ZNF256: variants seen among roughly 807,000 people sequenced by gnomAD.
ZNF256 encodes the protein zinc finger protein 256.
A neutral mutation model predicts 7.9 loss-of-function variants in ZNF256; 4 were observed. The observed-to-expected ratio is 0.50, with a 90% CI of 0.25 to 1.15. ZNF256 has a LOEUF of 1.15. Ranked by LOEUF, ZNF256 falls within the 50% of genes most tolerant of loss-of-function variation. ZNF256 has a pLI of 0.15. For missense variants in ZNF256, 666 were observed against 755.9 expected, an observed-to-expected ratio of 0.88 and a Z score of 1.39; for synonymous variants, 260 against 260.4, an observed-to-expected ratio of 1.00 and a Z score of 0.02.
At chr19:57,946,537 C>T (rs915748801) in intron 1 of ZNF256, among the ~76,000 whole-genome samples, 4 of 152,126 alleles carry the variant, frequency 2.6e-5, no homozygotes, top group Non-Finnish European at 5.9e-5. Flanking sequence ...ACCACACATC[C>T]GGAATCTAAC....
At position 57,947,702 on chromosome 19, in the gene ZNF256, G is replaced by C. The variant is rs2072777903; in HGVS notation, c.-228C>G. On this transcript the variant is annotated 5_prime_UTR_variant, in exon 1 of 3. Transcript: ENST00000282308. ...GACCGCCACAAGGAGGACAACGGAA[G>C]TCCCGCCGCGACCGCGCGTGCGCTT... 2.4e-6 allele frequency: 1 copy of C among 418,560 alleles called. No homozygotes were observed. Among genetic ancestry groups the C allele is most frequent in the Non-Finnish European group, 4.1e-6 (1 of 245,936 alleles). The allele number at this position is 418,560 out of a possible 1,614,324, so 25.9% of individuals were successfully genotyped here. A position where few individuals can be genotyped will look rare whatever the true frequency, so the allele number is the denominator to read the frequency against.
Position 57,942,340 on chromosome 19 carries a change from CAA to C in ZNF256, c.466_467del (p.Leu156GlufsTer6). 1 of 1,614,230 alleles carries C rather than the reference CAA, an allele frequency of 6.2e-7. No individual in the cohort carries two copies. The highest frequency in any genetic ancestry group is 8.5e-7 in the Non-Finnish European group (1 of 1,180,030). On this transcript the variant is annotated frameshift_variant, in exon 3 of 3. Coordinates refer to ENST00000282308, the MANE Select transcript of ZNF256 (RefSeq NM_005773.3). LOFTEE classifies it low-confidence loss of function (END_TRUNC). ...FRSNGGRDMF[L>X]SSCTFEVSGK... Reference sequence around the variant, plus strand: ...CAGATACTTCAAATGTGCAGCTGCTCAAAAACATGTCTCTGCCCCCATTGCTT... The same window carrying C: ...CAGATACTTCAAATGTGCAGCTGCTCAAACATGTCTCTGCCCCCATTGCTT...
intron 1 of ZNF256, among the ~76,000 whole-genome samples, chr19:57,944,656 C>T (rs552447880): frequency 1.3e-5 from 2 of 152,120 alleles, no homozygotes; most frequent in Non-Finnish European, 2.9e-5. Flanking sequence ...AACCCCATCT[C>T]TACTAAAAAT....
At position 57,943,995 on chromosome 19, in the gene ZNF256, C is replaced by T. The variant is rs1286234768; in HGVS notation, c.99G>A (p.Glu33=). The T allele has an allele frequency of 6.2e-7, 1 of 1,613,982 alleles. No homozygotes were observed. The highest frequency in any genetic ancestry group is 1.3e-5 in the African/African-American group (1 of 74,904). The change falls in exon 2 of 3, where the codon GAG becomes GAA. Residue 33 remains glutamate (E), a synonymous_variant. Coordinates refer to ENST00000282308, the MANE Select transcript of ZNF256 (RefSeq NM_005773.3). The part of the protein sequence containing the change: ...FSWKEWGLLD[E]AQKCLYHDVM... Reference sequence around the variant, plus strand: ...CATCGTGGTACAGGCATTTCTGAGCCTCATCAAGAAGACCCCACTCCTTCC... The same window carrying T: ...CATCGTGGTACAGGCATTTCTGAGCTTCATCAAGAAGACCCCACTCCTTCC...
intron 1 of ZNF256, among the ~76,000 whole-genome samples, chr19:57,944,277 T>C (rs1188278639): frequency 6.6e-6 from 1 of 152,178 alleles, no homozygotes; most frequent in Non-Finnish European, 1.5e-5. Context: ...AACAAATACA[T>C]GTATCTAAGC....
chr19:57,940,915 A>G lies in ZNF256; in HGVS notation c.*9T>C. 1.9e-6 allele frequency: 3 copies of G among 1,609,174 alleles called. No individual in the cohort carries two copies. The highest frequency in any genetic ancestry group is 2.6e-6 in the Non-Finnish European group (3 of 1,176,294). Reference sequence around the variant, plus strand: ...AGTCCGTAACAGCCCTATGTGTGTTACCTAACCTTTATCCCTTGTGAACGT... The same window carrying G: ...AGTCCGTAACAGCCCTATGTGTGTTGCCTAACCTTTATCCCTTGTGAACGT... On this transcript the variant is annotated 3_prime_UTR_variant, in exon 3 of 3. Transcript: ENST00000282308.
chr19:57,943,295 A>C (rs561095947), intron 2 of ZNF256, among the ~76,000 whole-genome samples: 1 of 152,190 alleles, frequency 6.6e-6, no homozygotes, highest in Non-Finnish European at 1.5e-5. Flanking sequence ...TAACCCTTAT[A>C]GAATGTCCTC....
chr19:57,947,540 G>A lies in ZNF256; in HGVS notation c.-66C>T, dbSNP rs2072776296. 11 of 1,242,182 alleles carry A rather than the reference G, an allele frequency of 8.9e-6. No homozygotes were observed. The highest frequency in any genetic ancestry group is 1.1e-5 in the Non-Finnish European group (11 of 982,202). 76.9% of individuals were successfully genotyped at this position (1,242,182 alleles called of 1,614,324 possible). A position where few individuals can be genotyped will look rare whatever the true frequency, so the allele number is the denominator to read the frequency against. ...ATTCCGGGCCGGGCCTGGGTACCCT[G>A]GGCGCCGCCGAGCCTCAGCCACGCC... On this transcript the variant is annotated 5_prime_UTR_variant, in exon 1 of 3. Transcript: ENST00000282308.
chr19:57,947,505 G>A lies in ZNF256; in HGVS notation c.-31C>T, dbSNP rs1157334708. On this transcript the variant is annotated 5_prime_UTR_variant, in exon 1 of 3. Transcript: ENST00000282308. ...TCTGTGAGCGGAGCGGGGCCAGAGAGGATGTCCTTATTCCGGGCCGGGCCT... is the reference window on the plus strand; with the variant it reads ...TCTGTGAGCGGAGCGGGGCCAGAGAAGATGTCCTTATTCCGGGCCGGGCCT... The A allele has an allele frequency of 4.8e-6, 6 of 1,249,046 alleles. No homozygotes were observed. The highest frequency in any genetic ancestry group is 4.2e-5 in the Admixed American group (1 of 23,720). The allele number at this position is 1,249,046 out of a possible 1,614,324, so 77.4% of individuals were successfully genotyped here.
In ZNF256 at chr19:57,942,192, T is replaced by C. The variant is rs746705151; in HGVS notation, c.616A>G (p.Ser206Gly). ...NRTKSAVAFHSVKNHYNWGEC... is the reference protein window; with the variant it reads ...NRTKSAVAFHGVKNHYNWGEC... Reference sequence around the variant, plus strand: ...CCCCAGTTGTAATGATTTTTTACACTGTGAAAGGCCACTGCACTCTTGGTT... The same window carrying C: ...CCCCAGTTGTAATGATTTTTTACACCGTGAAAGGCCACTGCACTCTTGGTT... The change falls in exon 3 of 3, where the codon AGT becomes GGT. Residue 206 changes from serine (S) to glycine (G), a missense_variant. Ser to Gly is a moderately conservative substitution (Grantham distance 56). Transcript: ENST00000282308. The C allele has an allele frequency of 1.9e-6, 3 of 1,614,256 alleles. No homozygotes were observed. The highest frequency in any genetic ancestry group is 1.7e-6 in the Non-Finnish European group (2 of 1,180,042).
rs528654874 is a variant in ZNF256, at chr19:57,947,168, C to G, written c.33+274G>C. On this transcript the variant is annotated intron_variant, in intron 1 of 2. Transcript: ENST00000282308. ...CATCTATGGCGGTATTAGATGGGCT[C>G]AAGCCACCCCGTAGCCCCATGCCTG... is the stretch of plus-strand genomic sequence containing the variant. 1.8e-4 allele frequency among the ~76,000 whole-genome samples: 28 copies of G among 152,344 alleles called. 1 individual carries two copies. Among genetic ancestry groups the G allele is most frequent in the Admixed American group, 9.1e-4 (14 of 15,308 alleles).
Position 57,942,324 on chromosome 19 carries a change from CA to C in ZNF256, c.483del (p.Phe161LeufsTer19), listed in dbSNP as rs781319091. ...GRDMFLSSCT[F>X]EVSGKPFTCK... ...CAAGTGAAGGGCTTCCCAGATACTTCAAATGTGCAGCTGCTCAAAAACATGT... is the reference window on the plus strand; with the variant it reads ...CAAGTGAAGGGCTTCCCAGATACTTCAATGTGCAGCTGCTCAAAAACATGT... On this transcript the variant is annotated frameshift_variant, in exon 3 of 3. Transcript: ENST00000282308. LOFTEE classifies it low-confidence loss of function (END_TRUNC). The C allele has an allele frequency of 1.2e-6, 2 of 1,614,218 alleles. No individual in the cohort carries two copies. Among genetic ancestry groups the C allele is most frequent in the South Asian group, 2.2e-5 (2 of 91,088 alleles).
At position 57,947,317 on chromosome 19, in the gene ZNF256, A is replaced by G. The variant is rs550418743; in HGVS notation, c.33+125T>C. ...CTTCCCTAGCACACCAGGTGTTGGA[A>G]ACGGGAGCCCCTCCGGCGAGCCCCC... On this transcript the variant is annotated intron_variant, in intron 1 of 2. Coordinates refer to ENST00000282308, the MANE Select transcript of ZNF256 (RefSeq NM_005773.3). 6.0e-6 allele frequency: 6 copies of G among 998,288 alleles called. No homozygotes were observed. In the East Asian group the frequency reaches 2.0e-4, roughly 33 times the overall value. 61.8% of individuals were successfully genotyped at this position (998,288 alleles called of 1,614,324 possible).
rs1391903087 is a variant in ZNF256 at position 57,947,434 on chromosome 19, G to A, written c.33+8C>T. 8.8e-6 allele frequency: 11 copies of A among 1,249,264 alleles called. No individual in the cohort carries two copies. In the Admixed American group the frequency reaches 1.3e-4, roughly 14 times the overall value. The allele number at this position is 1,249,264 out of a possible 1,614,324, so 77.4% of individuals were successfully genotyped here. On this transcript the variant is annotated splice_region_variant and intron_variant, in intron 1 of 2. Transcript: ENST00000282308. Reference sequence around the variant, plus strand: ...GGGCGGGGAAGGCCCAGAGGACGCGGCACATACCTGGGCCGGGGCCGTCAG... The same window carrying A: ...GGGCGGGGAAGGCCCAGAGGACGCGACACATACCTGGGCCGGGGCCGTCAG...
rs758553431 is a variant in ZNF256 at position 57,940,921 on chromosome 19, C to G, written c.*3G>C. On this transcript the variant is annotated 3_prime_UTR_variant, in exon 3 of 3. Coordinates refer to ENST00000282308, the MANE Select transcript of ZNF256 (RefSeq NM_005773.3). ...TAACAGCCCTATGTGTGTTACCTAA[C>G]CTTTATCCCTTGTGAACGTTCTGAT... 1 of 1,611,780 alleles carries G rather than the reference C, an allele frequency of 6.2e-7. No individual in the cohort carries two copies. Among genetic ancestry groups the G allele is most frequent in the Non-Finnish European group, 8.5e-7 (1 of 1,178,380 alleles).
chr19:57,947,215 G>A (rs1268405545), intron 1 of ZNF256, among the ~76,000 whole-genome samples: 3 of 152,218 alleles, frequency 2.0e-5, no homozygotes, highest in South Asian at 2.1e-4. Context: ...GGGTGCCCTC[G>A]CAATGGCTGT....
In ZNF256 at chr19:57,941,148, T is replaced by G. The variant is rs2072724495; in HGVS notation, c.1660A>C (p.Lys554Gln). ...AGGCTAGAGTGGTTACTAAAGGATT[T>G]CCAACACTCACTGCACTCATAAGGC... ...ERPYECSECWKSFSNHSSLVK... is the reference protein window; with the variant it reads ...ERPYECSECWQSFSNHSSLVK... The change falls in exon 3 of 3, where the codon AAA (lysine) becomes CAA (glutamine). Residue 554 changes from lysine to glutamine, a missense_variant. Lys to Gln is a moderately conservative substitution (Grantham distance 53). Coordinates refer to ENST00000282308, the MANE Select transcript of ZNF256 (RefSeq NM_005773.3). 1 of 1,614,072 alleles carries G rather than the reference T, an allele frequency of 6.2e-7. No homozygotes were observed. The highest frequency in any genetic ancestry group is 1.1e-5 in the South Asian group (1 of 91,084).
intron 1 of ZNF256, among the ~76,000 whole-genome samples, chr19:57,945,271 T>C (rs923608460): frequency 6.6e-5 from 10 of 151,976 alleles, no homozygotes; most frequent in African/African-American, 2.4e-4. Context: ...CATACGGAGG[T>C]AGTACTCCAG....
In ZNF256 at chr19:57,942,220, G is replaced by GT. The variant is rs2072735059; in HGVS notation, c.587dup (p.Asn196LysfsTer40). 6.2e-7 allele frequency: 1 copy of GT among 1,614,132 alleles called. No individual in the cohort carries two copies. Among genetic ancestry groups the GT allele is most frequent in the South Asian group, 1.1e-5 (1 of 91,090 alleles). On this transcript the variant is annotated frameshift_variant, in exon 3 of 3. Transcript: ENST00000282308. LOFTEE classifies it low-confidence loss of function (END_TRUNC). ...GAAAGGCCACTGCACTCTTGGTTCTGTTTGACTTCTTTCTGGTGTGAGCAG... is the reference window on the plus strand; with the variant it reads ...GAAAGGCCACTGCACTCTTGGTTCTGTTTTGACTTCTTTCTGGTGTGAGCAG...
Sources: allele counts gnomAD v4.1 joint callset (sites outside exome capture counted in the v4.1 genomes callset), GRCh38; gene constraint gnomAD v4.1.1; transcripts MANE v1.5; gene names NCBI Gene and HGNC (gene_info 2026-07-23, HGNC 2026-07-21).